PPM1E: variants seen among roughly 807,000 people sequenced by gnomAD.
PPM1E encodes the protein protein phosphatase 1E.
PPM1E carries 20 observed loss-of-function variants against 65.9 expected under a neutral mutation model. The ratio of observed to expected loss-of-function variants is 0.30; its 90% CI spans 0.21 to 0.44. The LOEUF is 0.44. PPM1E is among the 20% of genes least tolerant of loss of function. The pLI, the probability that PPM1E is intolerant of heterozygous loss-of-function variation, is 1.00. For missense variants in PPM1E, 713 were observed against 953.1 expected (o/e 0.75, Z 3.32); for synonymous variants, 352 against 374.9 (o/e 0.94, Z 0.70).
At position 58,805,989 on chromosome 17, in the gene PPM1E, ACAAAAC is replaced by A. The variant is rs2050309287; in HGVS notation, c.464+49529_464+49534del. ...AAAAAAAAAACAAAAAAAAAACAAAACAAAACAAAACAAAAAAAAAACTATATGTAG... is the reference window on the plus strand; with the variant it reads ...AAAAAAAAAACAAAAAAAAAACAAAAAAAACAAAAAAAAAACTATATGTAG... On this transcript the variant is annotated intron_variant, in intron 1 of 6. Transcript: ENST00000308249. Among the ~76,000 whole-genome samples, 106 of 109,062 alleles carry A rather than the reference ACAAAAC, an allele frequency of 9.7e-4. 3 individuals are homozygous for A. Among genetic ancestry groups the A allele is most frequent in the Middle Eastern group, 4.2e-3 (1 of 238 alleles). The allele number at this position is 109,062 out of a possible 152,430, so 71.5% of individuals were successfully genotyped here.
At chr17:58,771,632 GAAA>G (rs1296672330) in intron 1 of PPM1E, among the ~76,000 whole-genome samples, 1 of 149,356 alleles carries the variant, frequency 6.7e-6, no homozygotes, top group Non-Finnish European at 1.5e-5. Context: ...AAAAAAAAAA[GAAA>G]AAGAAGAAGA....
intron 1 of PPM1E, among the ~76,000 whole-genome samples, chr17:58,905,434 A>G (rs1751791620): frequency 1.3e-5 from 2 of 152,064 alleles, no homozygotes; most frequent in South Asian, 4.1e-4. Flanking sequence ...GAATTTTATC[A>G]AGTGCTTTTT....
At chr17:58,775,464 CA>C (rs2049984518) in intron 1 of PPM1E, among the ~76,000 whole-genome samples, 1 of 152,042 alleles carries the variant, frequency 6.6e-6, no homozygotes, top group Admixed American at 6.6e-5. Flanking sequence ...TTGATTTTGT[CA>C]TAATCATTAT....
chr17:58,863,890 G>A (rs2050970753), intron 1 of PPM1E, among the ~76,000 whole-genome samples: 1 of 152,070 alleles, frequency 6.6e-6, no homozygotes, highest in Non-Finnish European at 1.5e-5. Flanking sequence ...TCTCTTCTGT[G>A]TGTCCACTGA....
intron 1 of PPM1E, among the ~76,000 whole-genome samples, chr17:58,822,311 T>C (rs1476644540): frequency 6.6e-6 from 1 of 150,648 alleles, no homozygotes; most frequent in East Asian, 1.9e-4. Context: ...GTAAAGTTGC[T>C]AAGTCTGAAT....
At chr17:58,820,979 G>A (rs890780853) in intron 1 of PPM1E, among the ~76,000 whole-genome samples, 11 of 151,878 alleles carry the variant, frequency 7.2e-5, no homozygotes, top group Non-Finnish European at 1.6e-4. Context: ...TTAATCATGG[G>A]CTTAATTCCA....
intron 1 of PPM1E, among the ~76,000 whole-genome samples, chr17:58,943,387 T>G (rs2052101246): frequency 6.6e-6 from 1 of 152,198 alleles, no homozygotes; most frequent in Non-Finnish European, 1.5e-5. Context: ...TGACACTTGA[T>G]GAACTAAATG....
At position 58,777,847 on chromosome 17, in the gene PPM1E, G is replaced by A. The variant is rs9902942; in HGVS notation, c.464+21386G>A. Among the ~76,000 whole-genome samples the A allele has an allele frequency of 9.3e-4, 142 of 152,224 alleles. 1 individual carries two copies. The highest frequency in any genetic ancestry group is 3.3e-3 in the African/African-American group (139 of 41,538). On this transcript the variant is annotated intron_variant, in intron 1 of 6. Coordinates refer to ENST00000308249, the MANE Select transcript of PPM1E (RefSeq NM_014906.5). ...ATACTGAATGCTTAGGACATAGAAG[G>A]TTTTCAGAAAGTACTTAATGAATAA...
chr17:58,792,198 C>T (rs938983766), intron 1 of PPM1E, among the ~76,000 whole-genome samples: 29 of 150,508 alleles, frequency 1.9e-4, no homozygotes, highest in African/African-American at 6.8e-4. Flanking sequence ...TATTTGTTCC[C>T]AGGACATGAC....
At chr17:58,810,214 G>GT (rs200443697) in intron 1 of PPM1E, among the ~76,000 whole-genome samples, 69 of 148,236 alleles carry the variant, frequency 4.7e-4, no homozygotes, top group Middle Eastern at 3.4e-3. Flanking sequence ...GTACTTTTTT[G>GT]TTTTTTTTTT....
At chr17:58,945,044 G>A (rs537242994) in intron 1 of PPM1E, among the ~76,000 whole-genome samples, 11 of 151,988 alleles carry the variant, frequency 7.2e-5, no homozygotes, top group African/African-American at 2.2e-4. Context: ...CCTAGTGGAT[G>A]TGAAATGGTT....
At chr17:58,886,786 T>G (rs2051270362) in intron 1 of PPM1E, among the ~76,000 whole-genome samples, 1 of 152,172 alleles carries the variant, frequency 6.6e-6, no homozygotes, top group African/African-American at 2.4e-5. Context: ...AAGAGCCACA[T>G]GCAAAAGATT....
At chr17:58,776,287 A>G (rs572638670) in intron 1 of PPM1E, among the ~76,000 whole-genome samples, 3 of 152,300 alleles carry the variant, frequency 2.0e-5, no homozygotes, top group Admixed American at 6.5e-5. Context: ...TGATCGCACC[A>G]CTGCACTCCA....
At chr17:58,881,152 C>T (rs888805628) in intron 1 of PPM1E, among the ~76,000 whole-genome samples, 2 of 152,122 alleles carry the variant, frequency 1.3e-5, no homozygotes, top group Non-Finnish European at 2.9e-5. Context: ...TTCACTTTCC[C>T]GTTTCCTTCT....
intron 2 of PPM1E, among the ~76,000 whole-genome samples, chr17:58,957,303 A>G (rs980245684): frequency 6.6e-6 from 1 of 152,222 alleles, no homozygotes; most frequent in Non-Finnish European, 1.5e-5. Context: ...TACTCCCTGC[A>G]GAAGGAGAAT....
chr17:58,756,364 C>T lies in PPM1E; in HGVS notation c.367C>T (p.Pro123Ser). 1 of 1,376,988 alleles carries T rather than the reference C, an allele frequency of 7.3e-7. No individual in the cohort carries two copies. Among genetic ancestry groups the T allele is most frequent in the Admixed American group, 3.7e-5 (1 of 27,226 alleles). The allele number at this position is 1,376,988 out of a possible 1,614,324, so 85.3% of individuals were successfully genotyped here. ...GCCGCCGCCGCCGCCCCAGCTGCCG[C>T]CTTTGCCCCCGCTCCCGCGACCGCT... is the stretch of plus-strand genomic sequence containing the variant. ...AVPPPPPQLPPLPPLPRPLSE... is the reference protein window; with the variant it reads ...AVPPPPPQLPSLPPLPRPLSE... The change falls in exon 1 of 7, where the codon CCT (proline) becomes TCT (serine). Residue 123 changes from proline to serine, a missense_variant. Transcript: ENST00000308249.
rs2031600516 is a variant in PPM1E, at chr17:58,984,397, T to A, written c.*3366T>A. On this transcript the variant is annotated 3_prime_UTR_variant, in exon 7 of 7. Coordinates refer to ENST00000308249, the MANE Select transcript of PPM1E (RefSeq NM_014906.5). ...ATAAAACTGCTGTGGTTCAAGTGCTTCCTTCCCCATCAAATCCTTGATAAG... is the reference window on the plus strand; with the variant it reads ...ATAAAACTGCTGTGGTTCAAGTGCTACCTTCCCCATCAAATCCTTGATAAG... 1 of 152,674 alleles carries A rather than the reference T, an allele frequency of 6.5e-6. No individual in the cohort carries two copies. The highest frequency in any genetic ancestry group is 2.4e-5 in the African/African-American group (1 of 41,462). The allele number at this position is 152,674 out of a possible 1,614,324, so 9.5% of individuals were successfully genotyped here. A position where few individuals can be genotyped will look rare whatever the true frequency, so the allele number is the denominator to read the frequency against.
intron 1 of PPM1E, among the ~76,000 whole-genome samples, chr17:58,854,534 C>G (rs7214805): frequency 0.15 from 22,090 of 151,978 alleles, 2,492 homozygotes; most frequent in East Asian, 0.31. Flanking sequence ...GAATATAGTG[C>G]TTTTTGTGGG....
chr17:58,793,127 T>A (rs888457887), intron 1 of PPM1E, among the ~76,000 whole-genome samples: 2 of 152,112 alleles, frequency 1.3e-5, no homozygotes, highest in Admixed American at 6.6e-5. Context: ...TTATTCCATT[T>A]GAACTTGACT....
Sources: gnomAD v4.1 joint callset for allele counts (sites outside exome capture counted in the v4.1 genomes callset) on GRCh38, gnomAD v4.1.1 for gene constraint, MANE v1.5 for transcripts, NCBI Gene and HGNC (gene_info 2026-07-23, HGNC 2026-07-21) for gene names.